GATM: variants seen among roughly 807,000 people sequenced by gnomAD.
GATM encodes the protein glycine amidinotransferase.
Under a neutral mutation model 54.2 loss-of-function variants are expected in GATM, and 23 were observed. The observed-to-expected ratio is 0.42, with a 90% CI of 0.31 to 0.60. The LOEUF is 0.60. Ranked by LOEUF, GATM falls within the 20% of genes least tolerant of loss-of-function variation. The probability of loss-of-function intolerance (pLI) is 0.14; values close to 1 mark genes in which losing one functional copy is unlikely to be tolerated. For missense variants in GATM, 401 were observed against 544.9 expected (o/e 0.74, Z 2.63); for synonymous variants, 168 against 183.1 (o/e 0.92, Z 0.67).
At chr15:45,363,843 A>T (rs1017364623) in intron 8 of GATM, 57 bp downstream of exon 8, 8 of 1,010,684 alleles carry the variant, frequency 7.9e-6, no homozygotes, top group African/African-American at 7.9e-5. Context: ...TCATTTCTTT[A>T]GTTCTTCTCA....
At position 45,378,389 on chromosome 15, in the gene GATM, G is replaced by C; in HGVS notation, c.65C>G (p.Ser22Cys). Reference protein sequence around the residue: ...RGAEAVHYIGSRLGRTLTGWV... With the variant: ...RGAEAVHYIGCRLGRTLTGWV... ...CGAGGCCGGTGGCGCACGCACCCGA[G>C]ATCCGATGTAGTGCACCGCCTCGGC... Residue 22 changes from serine (S) to cysteine (C), a missense_variant, in exon 1 of 9, where the codon TCT (serine) becomes TGT (cysteine). Transcript: ENST00000396659. 1.3e-6 allele frequency: 2 copies of C among 1,520,190 alleles called. No individual in the cohort carries two copies. Among genetic ancestry groups the C allele is most frequent in the Non-Finnish European group, 8.8e-7 (1 of 1,140,484 alleles). The allele number at this position is 1,520,190 out of a possible 1,614,324, so 94.2% of individuals were successfully genotyped here. A position where few individuals can be genotyped will look rare whatever the true frequency, so the allele number is the denominator to read the frequency against.
intron 8 of GATM, 87 bp downstream of exon 8, chr15:45,363,813 C>T (rs1435081002): frequency 2.4e-6 from 2 of 823,418 alleles, no homozygotes; most frequent in East Asian, 4.9e-5. Flanking sequence ...TTAGACAAAC[C>T]ATTTATCAAA....
intron 2 of GATM, 33 bp from the exon 3 acceptor site, chr15:45,369,554 C>G: frequency 6.3e-7 from 1 of 1,590,544 alleles, no homozygotes; most frequent in Non-Finnish European, 8.6e-7. Context: ...ACAATACTTA[C>G]AGGAGAAAAA....
chr15:45,366,370 C>T lies in GATM; in HGVS notation c.813+1G>A. On this transcript the variant is annotated splice_donor_variant, in intron 5 of 8. Coordinates refer to ENST00000396659, the MANE Select transcript of GATM (RefSeq NM_001482.3). LOFTEE classifies it high-confidence loss of function. ...AAATTTCAGAGGCAGCCTGCGTTCA[C>T]CTGGCTTCTCTGTGCAAAAATATCT... 6.2e-7 allele frequency: 1 copy of T among 1,614,084 alleles called. No individual in the cohort carries two copies.
At chr15:45,401,597 T>C (rs1890009576) in intron 1 of GATM, among the ~76,000 whole-genome samples, 1 of 152,136 alleles carries the variant, frequency 6.6e-6, no homozygotes, top group Admixed American at 6.5e-5. Context: ...GCAGTTGTCT[T>C]AATAACGTAG....
At chr15:45,380,266 A>AG (rs1294974266), upstream of GATM, 1 of 141,282 alleles carries the variant, frequency 7.1e-6, no homozygotes, top group African/African-American at 2.6e-5. Context: ...AAAAAAAAAA[A>AG]GCTATATGAG....
chr15:45,378,853 A>G (rs566177352), upstream of GATM: 21 of 181,792 alleles, frequency 1.2e-4, no homozygotes, highest in Non-Finnish European at 7.9e-5. Context: ...GTCTATGCAT[A>G]TATTAAGTGA....
At chr15:45,377,462 G>T in intron 1 of GATM, 1 of 354,100 alleles carries the variant, frequency 2.8e-6, no homozygotes, top group South Asian at 2.2e-5. Context: ...CCTAGCCAAG[G>T]TCAGGATTAG....
chr15:45,399,991 G>A (rs1014066706), intron 1 of GATM, among the ~76,000 whole-genome samples: 2 of 152,232 alleles, frequency 1.3e-5, no homozygotes, highest in Non-Finnish European at 2.9e-5. Flanking sequence ...GGAGGCTGAG[G>A]CAGGTGGATC....
At position 45,368,102 on chromosome 15, in the gene GATM, T is replaced by C. The variant is rs1385972739; in HGVS notation, c.643A>G (p.Lys215Glu). ...TAAAGCTCATCAGCCATTGTGGGCT[T>C]AGGAGCTGTTGTCCACTTGGCGCCA... ...HRGAKWTTAP[K>E]PTMADELYNQ... Residue 215 changes from lysine (K) to glutamate (E), a missense_variant, in exon 4 of 9, where the codon AAG (lysine) becomes GAG (glutamate). Transcript: ENST00000396659. This position sits in a 1 kb window ranked among gnomAD's most constrained non-coding sequence, Gnocchi z 5.1. 6.2e-7 allele frequency: 1 copy of C among 1,614,010 alleles called. No individual in the cohort carries two copies. The highest frequency in any genetic ancestry group is 8.5e-7 in the Non-Finnish European group (1 of 1,180,028).
chr15:45,388,414 CATT>C (rs1271924399), intron 3 of GATM, among the ~76,000 whole-genome samples: 1 of 152,210 alleles, frequency 6.6e-6, no homozygotes, highest in Non-Finnish European at 1.5e-5. Context: ...CACTGTAAAT[CATT>C]ATTAACTAAA....
In GATM at chr15:45,362,241, A is replaced by T. The variant is rs1889377121; in HGVS notation, c.1160-20T>A. On this transcript the variant is annotated intron_variant, in intron 8 of 8. Transcript: ENST00000396659. ...TGATACCTGCATTGAAAGAGAGATG[A>T]GGTCAGTTAGATGGACTAACATGAC... 4 of 1,429,010 alleles carry T rather than the reference A, an allele frequency of 2.8e-6. No individual in the cohort carries two copies. The highest frequency in any genetic ancestry group is 1.4e-5 in the African/African-American group (1 of 71,150). 88.5% of individuals were successfully genotyped at this position (1,429,010 alleles called of 1,614,324 possible).
chr15:45,394,054 G>A (rs1889900920), intron 3 of GATM, among the ~76,000 whole-genome samples: 1 of 152,160 alleles, frequency 6.6e-6, no homozygotes, highest in South Asian at 2.1e-4. Flanking sequence ...TTACAATCAG[G>A]AGGGAGTAGA....
rs769715877 is a variant in GATM, at chr15:45,366,159, A to G, written c.865T>C (p.Tyr289His). The stretch of plus-strand genomic sequence containing the variant: ...TTAAAGGAGATGATATGCACTCTGT[A>G]GTCTGGAGCAAGATGCCTACGCATC... ...EWMRRHLAPD[Y>H]RVHIISFKDP... The change falls in exon 6 of 9, where the codon TAC (tyrosine) becomes CAC (histidine). Residue 289 changes from tyrosine to histidine, a missense_variant. Transcript: ENST00000396659. 3.1e-6 allele frequency: 5 copies of G among 1,614,002 alleles called. No individual in the cohort carries two copies. Among genetic ancestry groups the G allele is most frequent in the South Asian group, 2.2e-5 (2 of 91,086 alleles).
upstream of GATM, chr15:45,380,273 T>C (rs1024483706): frequency 1.4e-5 from 2 of 145,330 alleles, no homozygotes; most frequent in Non-Finnish European, 3.0e-5. Flanking sequence ...AAAAGCTATA[T>C]GAGGTAATGT....
chr15:45,378,717 A>G, upstream of GATM: 1 of 370,918 alleles, frequency 2.7e-6, no homozygotes, highest in Non-Finnish European at 4.8e-6. Context: ...GCCCTTTTTT[A>G]GCCAGCGGGG....
chr15:45,363,575 G>T, intron 8 of GATM: 1 of 427,126 alleles, frequency 2.3e-6, no homozygotes, highest in Non-Finnish European at 4.2e-6. Flanking sequence ...TTTCTTATTT[G>T]AAGAAGGGCT....
chr15:45,376,561 A>T, intron 2 of GATM, 40 bp downstream of exon 2: 1 of 1,545,384 alleles, frequency 6.5e-7, no homozygotes, highest in Non-Finnish European at 8.9e-7. Flanking sequence ...GCAGGTGAGG[A>T]GGGAGCGCAC....
At chr15:45,371,090 A>G (rs1012921306) in intron 2 of GATM, among the ~76,000 whole-genome samples, 1 of 152,184 alleles carries the variant, frequency 6.6e-6, no homozygotes, top group African/African-American at 2.4e-5. Flanking sequence ...TGGTTTTCAA[A>G]AATGTAAAAA....
Sources: allele counts gnomAD v4.1 joint callset (sites outside exome capture counted in the v4.1 genomes callset), GRCh38; gene constraint gnomAD v4.1.1; non-coding constraint Gnocchi (gnomAD v3.1); transcripts MANE v1.5; gene names NCBI Gene and HGNC (gene_info 2026-07-23, HGNC 2026-07-21).